Variants in TBC1D22A observed in about 807,000 individuals in gnomAD.
The protein encoded by TBC1D22A is putative GTPase activator.
Under a neutral mutation model 60.2 loss-of-function variants are expected in TBC1D22A, and 38 were observed. The observed-to-expected ratio is 0.63, with a 90% CI of 0.49 to 0.83. The LOEUF (loss-of-function observed/expected upper bound fraction) is 0.83. Among genes scored for constraint, TBC1D22A ranks in the 40% least tolerant of loss-of-function variants. The pLI is 0.00. For missense variants in TBC1D22A, 628 were observed against 701.0 expected, an observed-to-expected ratio of 0.90 and a Z score of 1.18; for synonymous variants, 302 against 281.7, an observed-to-expected ratio of 1.07 and a Z score of -0.72.
chr22:47,053,158 GCC>G (rs1434606048), intron 11 of TBC1D22A, among the ~76,000 whole-genome samples: 19 of 152,040 alleles, frequency 1.2e-4, no homozygotes, highest in South Asian at 2.1e-4. Flanking sequence ...ACTGCTTCCT[GCC>G]CACCACCAGC....
intron 8 of TBC1D22A, among the ~76,000 whole-genome samples, chr22:46,962,107 A>G (rs1025347317): frequency 6.6e-6 from 1 of 152,000 alleles, no homozygotes; most frequent in Non-Finnish European, 1.5e-5. Flanking sequence ...GTCTGGGAGG[A>G]GATGCGGGTG....
intron 11 of TBC1D22A, among the ~76,000 whole-genome samples, chr22:47,076,798 A>C (rs947489982): frequency 1.3e-5 from 2 of 152,194 alleles, no homozygotes; most frequent in African/African-American, 4.8e-5. Context: ...GTTAAAAAAG[A>C]ATATCATCTC....
rs189050354 is a variant in TBC1D22A, at chr22:46,777,813, C to T, written c.63-14707C>T. ...CCGAAAGTCATGCATCACTTAGCGA[C>T]GGGGACGCCTTCTGAGACATGTGTC... is the stretch of plus-strand genomic sequence containing the variant. On this transcript the variant is annotated intron_variant, in intron 1 of 12. Coordinates refer to ENST00000337137, the MANE Select transcript of TBC1D22A (RefSeq NM_014346.5). This position sits in a 1 kb window ranked among gnomAD's most constrained non-coding sequence, Gnocchi z 4.5. Among the ~76,000 whole-genome samples, 22 of 152,298 alleles carry T rather than the reference C, an allele frequency of 1.4e-4. No homozygotes were observed. In the East Asian group the frequency reaches 1.5e-3, roughly 11 times the overall value.
At chr22:47,130,204 C>A (rs1446926738) in intron 12 of TBC1D22A, among the ~76,000 whole-genome samples, 1 of 152,226 alleles carries the variant, frequency 6.6e-6, no homozygotes, top group Admixed American at 6.5e-5. Context: ...CCTCCCTCCC[C>A]ACCAGACAGG....
intron 12 of TBC1D22A, among the ~76,000 whole-genome samples, chr22:47,129,711 T>C (rs2066615367): frequency 1.3e-5 from 2 of 152,216 alleles, no homozygotes; most frequent in Non-Finnish European, 2.9e-5. Flanking sequence ...CCTACACCTT[T>C]TTAAAAAACA....
intron 7 of TBC1D22A, among the ~76,000 whole-genome samples, chr22:46,901,477 G>T (rs2068990827): frequency 6.6e-6 from 1 of 152,162 alleles, no homozygotes; most frequent in African/African-American, 2.4e-5. Flanking sequence ...ACAAAACGTG[G>T]GCTGTAAATT....
intron 10 of TBC1D22A, among the ~76,000 whole-genome samples, chr22:47,001,409 A>G (rs1379741839): frequency 7.1e-6 from 1 of 141,066 alleles, no homozygotes; most frequent in African/African-American, 2.7e-5. Flanking sequence ...GCGCCATTGT[A>G]CTCCCGCCCG....
chr22:47,056,221 G>A (rs979017928), intron 11 of TBC1D22A, among the ~76,000 whole-genome samples: 5 of 152,128 alleles, frequency 3.3e-5, no homozygotes, highest in African/African-American at 9.7e-5. Context: ...CAGCCGTGGT[G>A]TAGACTGCTC....
intron 1 of TBC1D22A, among the ~76,000 whole-genome samples, chr22:46,786,521 A>T (rs1406120008): frequency 6.6e-6 from 1 of 152,192 alleles, no homozygotes; most frequent in Non-Finnish European, 1.5e-5. Flanking sequence ...TACTTGCCTC[A>T]TAGAATGAGT....
intron 4 of TBC1D22A, among the ~76,000 whole-genome samples, chr22:46,802,480 A>C (rs1236140491): frequency 1.3e-5 from 2 of 152,144 alleles, no homozygotes; most frequent in Non-Finnish European, 2.9e-5. Flanking sequence ...CGGGCAATAG[A>C]GCTTCATGTG....
Position 46,921,456 on chromosome 22 carries a change from A to G in TBC1D22A, c.1015+9268A>G, listed in dbSNP as rs139648669. On this transcript the variant is annotated intron_variant, in intron 8 of 12. Coordinates refer to ENST00000337137, the MANE Select transcript of TBC1D22A (RefSeq NM_014346.5). The stretch of plus-strand genomic sequence containing the variant: ...ATAGCTGAATAGTATTCCATGGTGT[A>G]TATGTACCACATTTTCTTTATCCAG... 9.0e-3 allele frequency among the ~76,000 whole-genome samples: 1,370 copies of G among 152,326 alleles called. 27 individuals carry two copies. Among genetic ancestry groups the G allele is most frequent in the African/African-American group, 0.031 (1,299 of 41,566 alleles).
At chr22:46,804,862 G>A (rs1476495861) in intron 4 of TBC1D22A, among the ~76,000 whole-genome samples, 1 of 152,110 alleles carries the variant, frequency 6.6e-6, no homozygotes, top group Non-Finnish European at 1.5e-5. Context: ...TAAAGGAGCC[G>A]CCTTAAAAAC....
At chr22:47,139,826 A>T (rs2067013569) in intron 12 of TBC1D22A, among the ~76,000 whole-genome samples, 2 of 152,216 alleles carry the variant, frequency 1.3e-5, no homozygotes, top group Non-Finnish European at 2.9e-5. Context: ...TTATGTCTCC[A>T]GATAATCCCG....
intron 4 of TBC1D22A, among the ~76,000 whole-genome samples, chr22:46,811,195 G>T (rs990713003): frequency 6.6e-6 from 1 of 152,212 alleles, no homozygotes; most frequent in African/African-American, 2.4e-5. Flanking sequence ...GACAGGCTTT[G>T]GTGCCTGTCC....
chr22:46,919,053 T>A (rs1667505827), intron 8 of TBC1D22A, among the ~76,000 whole-genome samples: 1 of 152,148 alleles, frequency 6.6e-6, no homozygotes, highest in African/African-American at 2.4e-5. Flanking sequence ...GTTGAAAGAT[T>A]TTTAGAATAT....
At chr22:46,775,967 GGGGC>G (rs2083686829) in intron 1 of TBC1D22A, among the ~76,000 whole-genome samples, 1 of 152,246 alleles carries the variant, frequency 6.6e-6, no homozygotes, top group Non-Finnish European at 1.5e-5. Flanking sequence ...ATGAGGCCCT[GGGGC>G]GTGTGCAAAG....
chr22:47,086,208 T>C (rs1039568676), intron 11 of TBC1D22A, among the ~76,000 whole-genome samples: 6 of 152,172 alleles, frequency 3.9e-5, no homozygotes, highest in Non-Finnish European at 5.9e-5. Flanking sequence ...CTCATGCCTG[T>C]AATCCCAGCA....
chr22:47,068,429 C>T (rs773374248), intron 11 of TBC1D22A, among the ~76,000 whole-genome samples: 6 of 152,204 alleles, frequency 3.9e-5, no homozygotes, highest in Non-Finnish European at 4.4e-5. Context: ...GGATGTGAGA[C>T]GTCAGAAGAT....
rs2061671611 is a variant in TBC1D22A at position 47,009,042 on chromosome 22, A to G, written c.1201+11333A>G. On this transcript the variant is annotated intron_variant, in intron 10 of 12. Coordinates refer to ENST00000337137, the MANE Select transcript of TBC1D22A (RefSeq NM_014346.5). This position sits in a 1 kb window ranked among gnomAD's most constrained non-coding sequence, Gnocchi z 5.8. ...AATCTACTCTTCAGCTCTGTGGAGT[A>G]ACAGCTTGGAGTTTGGAAGCTGGCA... 6.6e-6 allele frequency among the ~76,000 whole-genome samples: 1 copy of G among 152,186 alleles called. No homozygotes were observed. Among genetic ancestry groups the G allele is most frequent in the Admixed American group, 6.5e-5 (1 of 15,282 alleles).
Sources: gnomAD v4.1 joint callset for allele counts (sites outside exome capture counted in the v4.1 genomes callset) on GRCh38, gnomAD v4.1.1 for gene constraint, Gnocchi (gnomAD v3.1) non-coding constraint, MANE v1.5 for transcripts, NCBI Gene and HGNC (gene_info 2026-07-23, HGNC 2026-07-21) for gene names.